Variants in SLC25A15 observed in about 807,000 individuals in gnomAD.
SLC25A15 encodes mitochondrial ornithine transporter 1.
SLC25A15 carries 24 observed loss-of-function variants against 32.3 expected under a neutral mutation model. The observed-to-expected ratio is 0.74, with a 90% CI of 0.54 to 1.04. The LOEUF (loss-of-function observed/expected upper bound fraction) is 1.04. Among genes scored for constraint, SLC25A15 ranks in the 50% least tolerant of loss-of-function variants. SLC25A15 has a pLI of 0.00. For synonymous variants in SLC25A15, 132 were observed against 142.1 expected (o/e 0.93, Z 0.51); for missense variants, 317 against 374.5 (o/e 0.85, Z 1.27).
chr13:40,796,380 G>A (rs1164795295), intron 2 of SLC25A15, among the ~76,000 whole-genome samples: 1 of 152,162 alleles, frequency 6.6e-6, no homozygotes, highest in African/African-American at 2.4e-5. Flanking sequence ...AGGTGATTAG[G>A]TAATTATTGA....
At chr13:40,803,680 T>C (rs1049647077) in intron 3 of SLC25A15, among the ~76,000 whole-genome samples, 1 of 152,258 alleles carries the variant, frequency 6.6e-6, no homozygotes, top group Admixed American at 6.5e-5. Context: ...TTGTACTGGC[T>C]TCACCCACTC....
rs143230224 is a variant in SLC25A15 at position 40,807,004 on chromosome 13, A to G, written c.453-290A>G. Among the ~76,000 whole-genome samples, 12 of 152,340 alleles carry G rather than the reference A, an allele frequency of 7.9e-5. No homozygotes were observed. In the East Asian group the frequency reaches 2.1e-3, roughly 27 times the overall value. On this transcript the variant is annotated intron_variant, in intron 4 of 6. Coordinates refer to ENST00000338625, the MANE Select transcript of SLC25A15 (RefSeq NM_014252.4). The stretch of plus-strand genomic sequence containing the variant: ...AACAGATCCTGTAAACACCTGAACA[A>G]ATTTCCCAAAAACACACCAGAAAGA...
Position 40,810,968 on chromosome 13 carries a change from C to G in SLC25A15, c.*1301C>G. 1 of 434,712 alleles carries G rather than the reference C, an allele frequency of 2.3e-6. No homozygotes were observed. Among genetic ancestry groups the G allele is most frequent in the Non-Finnish European group, 4.7e-6 (1 of 214,228 alleles). The allele number at this position is 434,712 out of a possible 1,614,324, so 26.9% of individuals were successfully genotyped here. A position where few individuals can be genotyped will look rare whatever the true frequency, so the allele number is the denominator to read the frequency against. On this transcript the variant is annotated 3_prime_UTR_variant, in exon 7 of 7. Transcript: ENST00000338625. ...GAGAGCCAAAGCCAAGAGAAGCCTTCTTCCCTGTTTGGTGATTGTGTGACA... is the reference window on the plus strand; with the variant it reads ...GAGAGCCAAAGCCAAGAGAAGCCTTGTTCCCTGTTTGGTGATTGTGTGACA...
At chr13:40,809,522 G>C (rs758783089) in intron 6 of SLC25A15, 21 bp from the exon 7 acceptor site, 1 of 1,611,928 alleles carries the variant, frequency 6.2e-7, no homozygotes. Context: ...TGCAGTCTTT[G>C]ACCGCCCTTT....
rs1428278448 is a variant in SLC25A15, at chr13:40,791,313, A to ATTTG, written c.-70+1653_-70+1654insGTTT. 9.1e-3 allele frequency among the ~76,000 whole-genome samples: 1,242 copies of ATTTG among 136,172 alleles called. 17 individuals are homozygous for ATTTG. Among genetic ancestry groups the ATTTG allele is most frequent in the African/African-American group, 0.03 (1,105 of 36,454 alleles). 89.3% of individuals were successfully genotyped at this position (136,172 alleles called of 152,430 possible). On this transcript the variant is annotated intron_variant, in intron 1 of 6. Coordinates refer to ENST00000338625, the MANE Select transcript of SLC25A15 (RefSeq NM_014252.4). ...ACCCTGATAAACTTTTTATTTATTT[A>ATTTG]TTTATTTATTTATTTATTTATTTTA...
chr13:40,794,788 A>AC (rs958997732), intron 2 of SLC25A15, among the ~76,000 whole-genome samples: 1 of 151,618 alleles, frequency 6.6e-6, no homozygotes, highest in Non-Finnish European at 1.5e-5. Context: ...TATCCAGCAC[A>AC]CCCCCCACCC....
At chr13:40,799,698 G>C (rs925585534) in intron 3 of SLC25A15, among the ~76,000 whole-genome samples, 1 of 152,188 alleles carries the variant, frequency 6.6e-6, no homozygotes, top group Non-Finnish European at 1.5e-5. Context: ...CCGCCCTTCT[G>C]TTTCAGTTTT....
intron 5 of SLC25A15, 117 bp downstream of exon 5, chr13:40,807,580 G>C (rs1882246256): frequency 8.7e-7 from 1 of 1,143,472 alleles, no homozygotes; most frequent in Non-Finnish European, 1.3e-6. Context: ...GCTCCATCTG[G>C]CACAGGGAAG....
chr13:40,797,876 G>GA, intron 2 of SLC25A15, among the ~76,000 whole-genome samples: 1 of 152,234 alleles, frequency 6.6e-6, no homozygotes, highest in Non-Finnish European at 1.5e-5. Flanking sequence ...TCCAGAAGGA[G>GA]ACGGTAAACA....
At chr13:40,793,976 A>G (rs1479753855) in intron 2 of SLC25A15, among the ~76,000 whole-genome samples, 1 of 152,256 alleles carries the variant, frequency 6.6e-6, no homozygotes, top group African/African-American at 2.4e-5. Flanking sequence ...AAATAACACC[A>G]TAGCATCTCC....
chr13:40,807,703 T>C (rs1321532382), intron 5 of SLC25A15, among the ~76,000 whole-genome samples: 2 of 152,218 alleles, frequency 1.3e-5, no homozygotes, highest in African/African-American at 4.8e-5. Context: ...ACTTTCTTAC[T>C]GGAATAAAGT....
At chr13:40,792,297 A>G (rs1424605393) in intron 1 of SLC25A15, among the ~76,000 whole-genome samples, 2 of 152,224 alleles carry the variant, frequency 1.3e-5, no homozygotes. Flanking sequence ...CAGGTGTTGT[A>G]TCTCAAAGTG....
At chr13:40,798,846 G>A in intron 2 of SLC25A15, 1 of 985,380 alleles carries the variant, frequency 1.0e-6, no homozygotes, top group Non-Finnish European at 1.2e-6. Context: ...CCCCTGCCTG[G>A]CATGAGCTCC....
rs1882293633 is a variant in SLC25A15 at position 40,808,553 on chromosome 13, G to A, written c.738G>A (p.Gln246=). Reference sequence around the variant, plus strand: ...AAGTTCTTTCCATGTCTGGAAAACAGGCAGGATTTATCAGAACCTTTATAA... The same window carrying A: ...AAGTTCTTTCCATGTCTGGAAAACAAGCAGGATTTATCAGAACCTTTATAA... The part of the protein sequence containing the change: ...RIQVLSMSGK[Q]AGFIRTFINV... The change falls in exon 6 of 7, where the codon CAG becomes CAA. Residue 246 remains glutamine, a synonymous_variant. Transcript: ENST00000338625. 6.2e-7 allele frequency: 1 copy of A among 1,610,348 alleles called. No homozygotes were observed. The highest frequency in any genetic ancestry group is 8.5e-7 in the Non-Finnish European group (1 of 1,179,886).
rs558557587 is a variant in SLC25A15, at chr13:40,812,303, C to A, written c.*2636C>A. Among the ~76,000 whole-genome samples, 1 of 152,248 alleles carries A rather than the reference C, an allele frequency of 6.6e-6. No homozygotes were observed. The highest frequency in any genetic ancestry group is 1.5e-5 in the Non-Finnish European group (1 of 68,018). On this transcript the variant is annotated 3_prime_UTR_variant, in exon 7 of 7. Transcript: ENST00000338625. ...GGCAAGTGGAAATGAGGAACGGAAA[C>A]TTAGGTTGGGAGAATATTTTTTTTT...
intron 2 of SLC25A15, 51 bp from the exon 3 acceptor site, chr13:40,799,006 G>T (rs759403059): frequency 6.2e-7 from 1 of 1,613,656 alleles, no homozygotes; most frequent in East Asian, 2.2e-5. Context: ...TCCTTCCATG[G>T]ATAATGGAAC....
intron 2 of SLC25A15, among the ~76,000 whole-genome samples, chr13:40,793,678 G>T (rs1881583375): frequency 6.6e-6 from 1 of 152,234 alleles, no homozygotes; most frequent in African/African-American, 2.4e-5. Context: ...CTCTAAATGA[G>T]ATCAAATGAA....
Position 40,799,148 on chromosome 13 carries a change from C to G in SLC25A15, c.147C>G (p.Asp49Glu), listed in dbSNP as rs187685447. The change falls in exon 3 of 7, where the codon GAC becomes GAG. Residue 49 changes from aspartate to glutamate, a missense_variant. By Grantham distance (45) the Asp-to-Glu change is conservative. Coordinates refer to ENST00000338625, the MANE Select transcript of SLC25A15 (RefSeq NM_014252.4). ...CTGACCTGTACCGGGGCCTCACCGA[C>G]TGCTGCCTGAAGACTTACTCCCAGG... ...TFPDLYRGLT[D>E]CCLKTYSQVG... The G allele has an allele frequency of 7.2e-5, 117 of 1,614,222 alleles. 2 individuals carry two copies. In the East Asian group the frequency reaches 1.6e-3, roughly 22 times the overall value.
At chr13:40,795,202 C>A (rs58837476) in intron 2 of SLC25A15, among the ~76,000 whole-genome samples, 8 of 152,166 alleles carry the variant, frequency 5.3e-5, no homozygotes, top group Admixed American at 5.2e-4. Flanking sequence ...TGCCCCAGGC[C>A]GCCTCTCACC....
Sources: gnomAD v4.1 joint callset for allele counts (sites outside exome capture counted in the v4.1 genomes callset) on GRCh38, gnomAD v4.1.1 for gene constraint, MANE v1.5 for transcripts, NCBI Gene and HGNC (gene_info 2026-07-23, HGNC 2026-07-21) for gene names.